The following SNX8 variants were observed in gnomAD, a reference collection of about 807,000 sequenced individuals.
The protein encoded by SNX8 is sorting nexin-8.
Under a neutral mutation model 51.6 loss-of-function variants are expected in SNX8, and 25 were observed. That is an observed-to-expected ratio of 0.48 (90% CI 0.35 to 0.68). The LOEUF is 0.68. Ranked by LOEUF, SNX8 falls within the 30% of genes least tolerant of loss-of-function variation. The pLI, the probability that SNX8 is intolerant of heterozygous loss-of-function variation, is 0.00. For synonymous variants in SNX8, 324 were observed against 277.0 expected (o/e 1.17, Z -1.68); for missense variants, 695 against 624.0 (o/e 1.11, Z -1.21).
chr7:2,301,817 A>C (rs747488297), intron 1 of SNX8, among the ~76,000 whole-genome samples: 6 of 151,980 alleles, frequency 3.9e-5, no homozygotes, highest in Admixed American at 6.6e-5. Context: ...CTGTCTCCTA[A>C]CTCATTACCA....
rs549359224 is a variant in SNX8 at position 2,343,607 on chromosome 7, G to A, written c.-66+10615C>T. Among the ~76,000 whole-genome samples, 11 of 152,124 alleles carry A rather than the reference G, an allele frequency of 7.2e-5. No homozygotes were observed. In the South Asian group the frequency reaches 2.3e-3, roughly 32 times the overall value. On this transcript the variant is annotated intron_variant, in intron 1 of 5. Transcript: ENST00000435336. ...GGAGAATGGCGTAAACCCGGGAGGC[G>A]GAGCTTGCAGTGAGCCAACATGGTG...
chr7:2,327,677 G>A (rs563550480), intron 1 of SNX8, among the ~76,000 whole-genome samples: 29 of 151,190 alleles, frequency 1.9e-4, no homozygotes, highest in African/African-American at 7.0e-4. Context: ...AAAGTGCTGG[G>A]ATTACAGGCG....
intron 1 of SNX8, among the ~76,000 whole-genome samples, chr7:2,281,875 A>G (rs1795914463): frequency 6.6e-6 from 1 of 152,112 alleles, no homozygotes; most frequent in Non-Finnish European, 1.5e-5. Flanking sequence ...GGCCATCGCC[A>G]TCTATGCCCT....
intron 10 of SNX8, among the ~76,000 whole-genome samples, chr7:2,256,278 C>T (rs573814677): frequency 3.3e-5 from 5 of 152,236 alleles, no homozygotes; most frequent in Non-Finnish European, 7.3e-5. Flanking sequence ...CTCGTGACCA[C>T]CCCAGACACT....
intron 5 of SNX8, among the ~76,000 whole-genome samples, chr7:2,266,878 T>C (rs1795476065): frequency 6.6e-6 from 1 of 152,236 alleles, no homozygotes; most frequent in Non-Finnish European, 1.5e-5. Flanking sequence ...GTAGCTACCT[T>C]AGTCTTTTTT....
At chr7:2,282,064 C>G (rs1166069086) in intron 1 of SNX8, among the ~76,000 whole-genome samples, 1 of 152,218 alleles carries the variant, frequency 6.6e-6, no homozygotes, top group Non-Finnish European at 1.5e-5. Flanking sequence ...AGCAGCCCCT[C>G]AGATCCCAGG....
In SNX8 at chr7:2,325,828, T is replaced by C. The variant is rs1356236051; in HGVS notation, c.-66+28394A>G. 4.6e-5 allele frequency among the ~76,000 whole-genome samples: 7 copies of C among 151,798 alleles called. No homozygotes were observed. The South Asian group carries it at 1.2e-3, about 27-fold the overall frequency. ...GCCTCGGCAACAGAGCAAGACTCTG[T>C]CTCAAAAAAAATTTTTTTAAATAAA... On this transcript the variant is annotated intron_variant, in intron 1 of 5. Transcript: ENST00000435336.
At position 2,253,026 on chromosome 7, in the gene SNX8, A is replaced by G. The variant is rs1411741637; in HGVS notation, c.*2030T>C. 3.6e-5 allele frequency: 3 copies of G among 84,292 alleles called. No homozygotes were observed. The highest frequency in any genetic ancestry group is 1.1e-4 in the African/African-American group (2 of 18,312). 5.2% of individuals were successfully genotyped at this position (84,292 alleles called of 1,614,324 possible). A position where few individuals can be genotyped will look rare whatever the true frequency, so the allele number is the denominator to read the frequency against. On this transcript the variant is annotated 3_prime_UTR_variant, in exon 11 of 11. Coordinates refer to ENST00000222990, the MANE Select transcript of SNX8 (RefSeq NM_013321.4). ...TGACCCCTGCCCTCCTGCTCCCCCA[A>G]CTCCTGCCCTCCTGCTCCCTCCTCA...
intron 1 of SNX8, among the ~76,000 whole-genome samples, chr7:2,287,013 C>A (rs1562439599): frequency 6.6e-6 from 1 of 150,940 alleles, no homozygotes; most frequent in Non-Finnish European, 1.5e-5. Context: ...GTGGTGGGCA[C>A]CTGTAATCCC....
chr7:2,259,988 A>G (rs1795295896), intron 7 of SNX8, among the ~76,000 whole-genome samples: 2 of 152,226 alleles, frequency 1.3e-5, no homozygotes, highest in Admixed American at 1.3e-4. Flanking sequence ...GAACTAAAAA[A>G]AACAAAAAAG....
intron 1 of SNX8, among the ~76,000 whole-genome samples, chr7:2,295,370 C>T (rs1356110326): frequency 6.7e-6 from 1 of 148,966 alleles, no homozygotes; most frequent in Non-Finnish European, 1.5e-5. Context: ...TGCCATTGCA[C>T]CCAGCCCGGG....
chr7:2,323,346 A>ACC (rs899568685), intron 1 of SNX8, among the ~76,000 whole-genome samples: 1 of 151,342 alleles, frequency 6.6e-6, no homozygotes, highest in East Asian at 1.9e-4. Context: ...AAAAAAAAAA[A>ACC]AAACAACCAA....
At position 2,254,029 on chromosome 7, in the gene SNX8, C is replaced by T. The variant is rs1795112982; in HGVS notation, c.*1027G>A. 1 of 152,430 alleles carries T rather than the reference C, an allele frequency of 6.6e-6. No individual in the cohort carries two copies. The highest frequency in any genetic ancestry group is 1.9e-4 in the East Asian group (1 of 5,192). The allele number at this position is 152,430 out of a possible 1,614,324, so 9.4% of individuals were successfully genotyped here. On this transcript the variant is annotated 3_prime_UTR_variant, in exon 11 of 11. Transcript: ENST00000222990. ...AGACCCAGGCCTGAGGCGGACAGTC[C>T]AGCCCCACAGAGCTCAGGAGAATGG...
At chr7:2,264,660 C>A (rs1359910870) in intron 5 of SNX8, among the ~76,000 whole-genome samples, 1 of 152,204 alleles carries the variant, frequency 6.6e-6, no homozygotes. Flanking sequence ...CTGCATGCCA[C>A]AAACACAAAG....
At chr7:2,321,257 C>T (rs576209143) in intron 1 of SNX8, among the ~76,000 whole-genome samples, 1 of 151,974 alleles carries the variant, frequency 6.6e-6, no homozygotes, top group Non-Finnish European at 1.5e-5. Flanking sequence ...TCCAGAATGC[C>T]GACAGGAGAG....
chr7:2,259,528 G>A (rs1795286182), intron 7 of SNX8, among the ~76,000 whole-genome samples: 1 of 152,198 alleles, frequency 6.6e-6, no homozygotes, highest in Admixed American at 6.5e-5. Context: ...AGCCAGGGGT[G>A]CCGCCCAGGC....
chr7:2,265,475 C>T (rs190453679), intron 5 of SNX8, among the ~76,000 whole-genome samples: 1 of 152,136 alleles, frequency 6.6e-6, no homozygotes, highest in African/African-American at 2.4e-5. Context: ...GAAACCCCAT[C>T]TCTCCCAAAA....
In SNX8 at chr7:2,336,939, G is replaced by A. The variant is rs144119948; in HGVS notation, c.-66+17283C>T. On this transcript the variant is annotated intron_variant, in intron 1 of 5. Coordinates refer to the SNX8 transcript ENST00000435336. ...CATGAGAATCGCTTGAACCCAGCAGGCGGAGGTTGCAGTGAGCCGAGACTG... is the reference window on the plus strand; with the variant it reads ...CATGAGAATCGCTTGAACCCAGCAGACGGAGGTTGCAGTGAGCCGAGACTG... Among the ~76,000 whole-genome samples the A allele has an allele frequency of 5.5e-3, 830 of 152,000 alleles. 29 individuals carry two copies. In the East Asian group the frequency reaches 0.1, roughly 19 times the overall value.
chr7:2,274,789 G>A (rs1223444208), intron 3 of SNX8, among the ~76,000 whole-genome samples: 2 of 152,184 alleles, frequency 1.3e-5, no homozygotes, highest in Non-Finnish European at 2.9e-5. Context: ...GCCCTCTCGG[G>A]AGCTCTCGGG....
Sources: allele counts gnomAD v4.1 joint callset (sites outside exome capture counted in the v4.1 genomes callset), GRCh38; gene constraint gnomAD v4.1.1; transcripts MANE v1.5; gene names NCBI Gene and HGNC (gene_info 2026-07-23, HGNC 2026-07-21).